LRPPRC: variants seen among roughly 807,000 people sequenced by gnomAD.
LRPPRC encodes leucine-rich PPR motif-containing protein, mitochondrial.
A neutral mutation model predicts 180.3 loss-of-function variants in LRPPRC; 120 were observed. The ratio of observed to expected loss-of-function variants is 0.67; its 90% CI spans 0.57 to 0.77. The LOEUF (loss-of-function observed/expected upper bound fraction) is 0.77, where lower values mean the gene tolerates loss of function less well. Among genes scored for constraint, LRPPRC ranks in the 30% least tolerant of loss-of-function variants. The probability of loss-of-function intolerance (pLI) is 0.00; values close to 1 mark genes in which losing one functional copy is unlikely to be tolerated. For synonymous variants in LRPPRC, 723 were observed against 600.0 expected (o/e 1.21, Z -3.00); for missense variants, 2,012 against 1,657.2 (o/e 1.21, Z -3.72).
intron 18 of LRPPRC, 51 bp downstream of exon 18, chr2:43,948,071 G>A (rs1269419099): frequency 8.3e-7 from 1 of 1,197,966 alleles, no homozygotes; most frequent in East Asian, 2.3e-5. Flanking sequence ...TTAACATGCT[G>A]TTATATGTAA....
At chr2:43,912,363 T>C (rs751117064) in intron 30 of LRPPRC, 69 bp downstream of exon 30, 85 of 1,391,656 alleles carry the variant, frequency 6.1e-5, no homozygotes, top group Non-Finnish European at 8.1e-5. Context: ...ATTACTATTA[T>C]AATTATTGGC....
In LRPPRC at chr2:43,888,553, GAC is replaced by G. The variant is rs1670353381; in HGVS notation, c.*45_*46del. On this transcript the variant is annotated 3_prime_UTR_variant, in exon 38 of 38. Coordinates refer to ENST00000260665, the MANE Select transcript of LRPPRC (RefSeq NM_133259.4). ...CAGATATACTTCAAAATAACATGTAGACACAGAATCACAAATATATACAAAAC... is the reference window on the plus strand; with the variant it reads ...CAGATATACTTCAAAATAACATGTAGACAGAATCACAAATATATACAAAAC... 3 of 1,162,738 alleles carry G rather than the reference GAC, an allele frequency of 2.6e-6. No individual in the cohort carries two copies. The highest frequency in any genetic ancestry group is 1.7e-5 in the Admixed American group (1 of 59,230). The allele number at this position is 1,162,738 out of a possible 1,614,324, so 72.0% of individuals were successfully genotyped here.
chr2:43,943,386 T>C (rs970698967), intron 23 of LRPPRC, among the ~76,000 whole-genome samples: 11 of 152,080 alleles, frequency 7.2e-5, no homozygotes, highest in Non-Finnish European at 1.5e-4. Context: ...GATCCTTTTT[T>C]CTTATATTTA....
chr2:43,949,214 T>A (rs1672807049), intron 16 of LRPPRC, among the ~76,000 whole-genome samples: 2 of 152,174 alleles, frequency 1.3e-5, no homozygotes, highest in South Asian at 4.1e-4. Flanking sequence ...ACAATGTATT[T>A]GGGGCAATAA....
At chr2:43,946,800 T>A (rs1672696729) in intron 20 of LRPPRC, among the ~76,000 whole-genome samples, 1 of 151,944 alleles carries the variant, frequency 6.6e-6, no homozygotes, top group Non-Finnish European at 1.5e-5. Context: ...TACACTAAAA[T>A]GAACACAAAG....
At chr2:43,940,153 C>A (rs1281616724) in intron 23 of LRPPRC, among the ~76,000 whole-genome samples, 1 of 152,140 alleles carries the variant, frequency 6.6e-6, no homozygotes, top group African/African-American at 2.4e-5. Flanking sequence ...GGCAAATGAA[C>A]CACTTTTTGT....
At chr2:43,923,969 G>A (rs1453447001) in intron 27 of LRPPRC, among the ~76,000 whole-genome samples, 2 of 152,100 alleles carry the variant, frequency 1.3e-5, no homozygotes, top group Non-Finnish European at 2.9e-5. Context: ...TCAGCATTGT[G>A]TGCAAGAATT....
rs764766397 is a variant in LRPPRC at position 43,974,139 on chromosome 2, G to A, written c.1155+11C>T. 5 of 1,611,504 alleles carry A rather than the reference G, an allele frequency of 3.1e-6. No homozygotes were observed. The highest frequency in any genetic ancestry group is 4.2e-6 in the Non-Finnish European group (5 of 1,177,656). On this transcript the variant is annotated intron_variant, in intron 9 of 37. Transcript: ENST00000260665. ...ATTACATTGTCTACAAAGTAAAAGT[G>A]GACAGAATACCGTATTCATAGTCAC...
chr2:43,977,246 G>A lies in LRPPRC; in HGVS notation c.500C>T (p.Ala167Val), dbSNP rs1353926222. 1 of 1,598,808 alleles carries A rather than the reference G, an allele frequency of 6.3e-7. No homozygotes were observed. Among genetic ancestry groups the A allele is most frequent in the Non-Finnish European group, 8.6e-7 (1 of 1,166,368 alleles). The change falls in exon 4 of 38, where the codon GCT becomes GTT. Residue 167 changes from alanine (A) to valine (V), a missense_variant. Ala to Val is a moderately conservative substitution (Grantham distance 64). Transcript: ENST00000260665. ...GAVYDVSHYN[A>V]LLKVYLQNEY... Reference sequence around the variant, plus strand: ...ATTTTGAAGATAGACTTTAAGTAAAGCATTATAGTGACTCACATCATACAC... The same window carrying A: ...ATTTTGAAGATAGACTTTAAGTAAAACATTATAGTGACTCACATCATACAC...
At chr2:43,921,658 G>C (rs563747296) in intron 27 of LRPPRC, among the ~76,000 whole-genome samples, 4 of 152,320 alleles carry the variant, frequency 2.6e-5, no homozygotes, top group Non-Finnish European at 5.9e-5. Flanking sequence ...GAGATAAGCG[G>C]TTAGGGGGTG....
chr2:43,974,221 G>T lies in LRPPRC; in HGVS notation c.1084C>A (p.Pro362Thr). ...DVALQILLAC[P>T]VSKEDGPSVF... ...CTTGGGCCATCTTCCTTTGATACGG[G>T]GCATGCTAGTAAAATTTGCAACGCT... The change falls in exon 9 of 38, where the codon CCC (proline) becomes ACC (threonine). Residue 362 changes from proline to threonine, a missense_variant. By Grantham distance (38) the Pro-to-Thr change is conservative. Transcript: ENST00000260665. 6.2e-7 allele frequency: 1 copy of T among 1,610,660 alleles called. No homozygotes were observed. Among genetic ancestry groups the T allele is most frequent in the South Asian group, 1.1e-5 (1 of 91,008 alleles).
chr2:43,906,635 C>G (rs35813524), intron 30 of LRPPRC, among the ~76,000 whole-genome samples: 82,377 of 152,018 alleles, frequency 0.54, 24,631 homozygotes, highest in East Asian at 0.96. Flanking sequence ...AGCAATTGCT[C>G]CCATTTGCCT....
intron 35 of LRPPRC, among the ~76,000 whole-genome samples, chr2:43,895,141 C>T (rs907988937): frequency 6.6e-6 from 1 of 152,132 alleles, no homozygotes; most frequent in East Asian, 1.9e-4. Flanking sequence ...CGAGTGAATA[C>T]AGAACTGCTA....
intron 18 of LRPPRC, 29 bp from the exon 19 acceptor site, chr2:43,947,804 A>G (rs768286347): frequency 4.9e-6 from 7 of 1,434,318 alleles, no homozygotes; most frequent in Non-Finnish European, 5.9e-6. Context: ...TTAGCCCAGA[A>G]TTAGAAAACA....
chr2:43,893,355 C>T (rs943032475), intron 36 of LRPPRC, among the ~76,000 whole-genome samples: 2 of 152,148 alleles, frequency 1.3e-5, no homozygotes, highest in Non-Finnish European at 2.9e-5. Flanking sequence ...AACAACATCG[C>T]ATACTACAGA....
At position 43,963,708 on chromosome 2, in the gene LRPPRC, T is replaced by C; in HGVS notation, c.1370-2A>G. ...TTCCTTTGAGGATTTCAATTATACC[T>C]ACCAAATAAAATGTAGAAGCACAGA... On this transcript the variant is annotated splice_acceptor_variant, in intron 11 of 37. Transcript: ENST00000260665. LOFTEE classifies it high-confidence loss of function. 1 of 1,432,098 alleles carries C rather than the reference T, an allele frequency of 7.0e-7. No individual in the cohort carries two copies. Among genetic ancestry groups the C allele is most frequent in the Non-Finnish European group, 9.9e-7 (1 of 1,014,740 alleles). The allele number at this position is 1,432,098 out of a possible 1,614,324, so 88.7% of individuals were successfully genotyped here.
chr2:43,896,985 A>C (rs934834405), intron 34 of LRPPRC, among the ~76,000 whole-genome samples: 48 of 152,216 alleles, frequency 3.2e-4, no homozygotes, highest in African/African-American at 1.1e-3. Context: ...CCACAGAATA[A>C]GGTTTAGGAC....
At chr2:43,933,221 T>G (rs1355618243) in intron 25 of LRPPRC, among the ~76,000 whole-genome samples, 1 of 152,176 alleles carries the variant, frequency 6.6e-6, no homozygotes, top group Non-Finnish European at 1.5e-5. Context: ...ACAGTCCTCC[T>G]TTTCTATACT....
intron 11 of LRPPRC, among the ~76,000 whole-genome samples, chr2:43,973,000 T>G (rs1314421333): frequency 6.6e-6 from 1 of 152,224 alleles, no homozygotes; most frequent in Non-Finnish European, 1.5e-5. Flanking sequence ...TAATATTTGT[T>G]CAATTCTTAT....
Sources: gnomAD v4.1 joint callset for allele counts (sites outside exome capture counted in the v4.1 genomes callset) on GRCh38, gnomAD v4.1.1 for gene constraint, MANE v1.5 for transcripts, NCBI Gene and HGNC (gene_info 2026-07-23, HGNC 2026-07-21) for gene names.